NUBPL: variants seen among roughly 807,000 people sequenced by gnomAD.
NUBPL encodes the protein NUBP iron-sulfur cluster assembly factor, mitochondrial.
NUBPL carries 31 observed loss-of-function variants against 45.7 expected under a neutral mutation model. The observed-to-expected ratio is 0.68, with a 90% CI of 0.51 to 0.92. The LOEUF is 0.92. Ranked by LOEUF, NUBPL falls within the 40% of genes least tolerant of loss-of-function variation. The pLI is 0.00. For synonymous variants in NUBPL, 144 were observed against 140.9 expected (o/e 1.02, Z -0.15); for missense variants, 401 against 398.7 (o/e 1.01, Z -0.05).
intron 9 of NUBPL, 198 bp from the exon 10 acceptor site, chr14:31,849,921 A>C (rs1595709305): frequency 1.7e-6 from 1 of 602,262 alleles, no homozygotes; most frequent in Non-Finnish European, 2.9e-6. Context: ...ACATACAATC[A>C]CTGTACTACT....
At chr14:31,562,614 T>G (rs920890861) in intron 2 of NUBPL, among the ~76,000 whole-genome samples, 33 of 147,852 alleles carry the variant, frequency 2.2e-4, no homozygotes, top group African/African-American at 8.0e-4. Context: ...GTTTTTTTTT[T>G]TTTTTTTGAG....
intron 4 of NUBPL, among the ~76,000 whole-genome samples, chr14:31,633,537 T>A (rs1468946379): frequency 6.6e-6 from 1 of 152,176 alleles, no homozygotes; most frequent in Non-Finnish European, 1.5e-5. Flanking sequence ...AGTGCCAACA[T>A]AAGAACCAGG....
At chr14:31,754,602 T>TC (rs545421094) in intron 6 of NUBPL, among the ~76,000 whole-genome samples, 5 of 149,668 alleles carry the variant, frequency 3.3e-5, no homozygotes, top group African/African-American at 1.2e-4. Context: ...TTTTTTTTTT[T>TC]TTTTTTTTTT....
At chr14:31,828,355 CA>C (rs1340540606) in intron 8 of NUBPL, among the ~76,000 whole-genome samples, 18 of 152,074 alleles carry the variant, frequency 1.2e-4, no homozygotes, top group Non-Finnish European at 2.9e-5. Flanking sequence ...GGTTATCTAC[CA>C]AAAATTATGA....
rs187676191 is a variant in NUBPL at position 31,712,456 on chromosome 14, C to T, written c.513+38882C>T. 3.3e-5 allele frequency among the ~76,000 whole-genome samples: 5 copies of T among 152,364 alleles called. 1 individual carries two copies. The highest frequency in any genetic ancestry group is 9.6e-5 in the African/African-American group (4 of 41,592). Reference sequence around the variant, plus strand: ...CGGGGCCTGTGGAGCCGTGCCCACCCAGAACCTGTGCCAGCCTGTGAGTGA... The same window carrying T: ...CGGGGCCTGTGGAGCCGTGCCCACCTAGAACCTGTGCCAGCCTGTGAGTGA... On this transcript the variant is annotated intron_variant, in intron 6 of 10. Transcript: ENST00000281081.
At chr14:31,605,496 C>G (rs949817418) in intron 4 of NUBPL, among the ~76,000 whole-genome samples, 12 of 151,962 alleles carry the variant, frequency 7.9e-5, no homozygotes, top group African/African-American at 2.4e-5. Context: ...GAGTAGGATC[C>G]CCTTGTCTTT....
intron 6 of NUBPL, among the ~76,000 whole-genome samples, chr14:31,764,311 G>C (rs2038871794): frequency 6.6e-6 from 1 of 152,144 alleles, no homozygotes; most frequent in Admixed American, 6.5e-5. Context: ...AAACTGAGAT[G>C]ATTTTCACCA....
chr14:31,618,175 A>G (rs958338770), intron 4 of NUBPL, among the ~76,000 whole-genome samples: 1 of 151,736 alleles, frequency 6.6e-6, no homozygotes, highest in African/African-American at 2.4e-5. Context: ...TTTCTTCTTT[A>G]TTAGTCTGGC....
At chr14:31,828,561 A>G (rs1242442535) in intron 8 of NUBPL, among the ~76,000 whole-genome samples, 1 of 152,142 alleles carries the variant, frequency 6.6e-6, no homozygotes, top group Non-Finnish European at 1.5e-5. Flanking sequence ...TTGAGGAAAA[A>G]GTTTTAAACA....
chr14:31,822,978 C>T (rs2040042413), intron 7 of NUBPL, among the ~76,000 whole-genome samples: 1 of 151,812 alleles, frequency 6.6e-6, no homozygotes, highest in Admixed American at 6.6e-5. Flanking sequence ...AAATAATGTC[C>T]CTGAACATTT....
intron 7 of NUBPL, among the ~76,000 whole-genome samples, chr14:31,818,906 T>C (rs2039970390): frequency 6.6e-6 from 1 of 152,164 alleles, no homozygotes. Context: ...TAATGATTCA[T>C]TTCTAAATTA....
intron 6 of NUBPL, among the ~76,000 whole-genome samples, chr14:31,766,085 T>A (rs572284788): frequency 1.3e-5 from 2 of 152,342 alleles, no homozygotes; most frequent in East Asian, 1.9e-4. Flanking sequence ...GTAGCAAATT[T>A]ATATCTCAAA....
chr14:31,602,217 G>T (rs2034454514), intron 4 of NUBPL, among the ~76,000 whole-genome samples: 1 of 151,240 alleles, frequency 6.6e-6, no homozygotes, highest in Non-Finnish European at 1.5e-5. Flanking sequence ...GGAAGGGGAA[G>T]ATCACACTCT....
chr14:31,625,437 ATAAGAAGTGGG>A (rs1473706761), intron 4 of NUBPL, among the ~76,000 whole-genome samples: 1 of 151,808 alleles, frequency 6.6e-6, no homozygotes, highest in Non-Finnish European at 1.5e-5. Flanking sequence ...TGCTCTAGGG[ATAAGAAGTGGG>A]TAAGATATAA....
At chr14:31,688,523 T>A (rs113203445) in intron 6 of NUBPL, among the ~76,000 whole-genome samples, 1,570 of 145,100 alleles carry the variant, frequency 0.011, 23 homozygotes, top group African/African-American at 0.039. Flanking sequence ...GAGGTTGCAG[T>A]GAGCTGAGAT....
At chr14:31,634,246 A>G (rs1394312961) in intron 4 of NUBPL, among the ~76,000 whole-genome samples, 1 of 59,120 alleles carries the variant, frequency 1.7e-5, no homozygotes, top group Non-Finnish European at 2.9e-5. Context: ...CCCACCCCCC[A>G]CCCCACAACA....
At chr14:31,695,164 G>C (rs2037187040) in intron 6 of NUBPL, among the ~76,000 whole-genome samples, 2 of 152,130 alleles carry the variant, frequency 1.3e-5, no homozygotes, top group Non-Finnish European at 2.9e-5. Flanking sequence ...CTGTTAGTCA[G>C]CATTGAAAGA....
At chr14:31,733,440 C>T (rs1312016514) in intron 6 of NUBPL, among the ~76,000 whole-genome samples, 1 of 152,112 alleles carries the variant, frequency 6.6e-6, no homozygotes, top group Non-Finnish European at 1.5e-5. Flanking sequence ...GAATTGCCAT[C>T]CTAACAGTGT....
intron 3 of NUBPL, among the ~76,000 whole-genome samples, chr14:31,569,917 G>A (rs1357438729): frequency 6.6e-6 from 1 of 151,918 alleles, no homozygotes; most frequent in Non-Finnish European, 1.5e-5. Context: ...TCCTTATTAT[G>A]GATCTCATTC....
Sources: allele counts gnomAD v4.1 joint callset (sites outside exome capture counted in the v4.1 genomes callset), GRCh38; gene constraint gnomAD v4.1.1; transcripts MANE v1.5; gene names NCBI Gene and HGNC (gene_info 2026-07-23, HGNC 2026-07-21).